The following HMGN2 variants were observed in gnomAD, a reference collection of about 807,000 sequenced individuals.
The protein encoded by HMGN2 is high mobility group nucleosomal binding domain 2, also known as non-histone chromosomal protein HMG-17.
HMGN2 carries 2 observed loss-of-function variants against 16.9 expected under a neutral mutation model. That is an observed-to-expected ratio of 0.12 (90% confidence interval 0.05 to 0.37). HMGN2 has a LOEUF of 0.37. Ranked by LOEUF, HMGN2 falls within the 10% of genes least tolerant of loss-of-function variation. The pLI, the probability that HMGN2 is intolerant of heterozygous loss-of-function variation, is 1.00. For missense variants in HMGN2, 90 were observed against 106.0 expected (o/e 0.85, Z 0.66); for synonymous variants, 31 against 34.9 (o/e 0.89, Z 0.39).
chr1:26,473,415 C>T, intron 1 of HMGN2, 68 bp from the exon 2 acceptor site: 1 of 1,142,670 alleles, frequency 8.8e-7, no homozygotes, highest in Non-Finnish European at 1.3e-6. Context: ...ATTTTTAGCA[C>T]TCTAAAGTTT....
chr1:26,474,838 G>A (rs1002694048), intron 5 of HMGN2, 171 bp downstream of exon 5: 5 of 623,556 alleles, frequency 8.0e-6, no homozygotes, highest in African/African-American at 1.8e-5. Flanking sequence ...ACTGTCAGCT[G>A]AAGGGCATTG....
intron 1 of HMGN2, 110 bp from the exon 2 acceptor site, chr1:26,473,373 G>C: frequency 1.3e-6 from 1 of 792,814 alleles, no homozygotes; most frequent in East Asian, 2.6e-5. Context: ...TTATGTCCTA[G>C]AAAAGTTGTG....
chr1:26,473,635 C>G (rs2075590227), intron 2 of HMGN2, 68 bp from the exon 3 acceptor site: 1 of 1,572,264 alleles, frequency 6.4e-7, no homozygotes, highest in Non-Finnish European at 8.8e-7. Flanking sequence ...TAATCTAGAG[C>G]AAATTGATAC....
chr1:26,472,863 G>A (rs918784980), intron 1 of HMGN2, among the ~76,000 whole-genome samples: 5 of 152,018 alleles, frequency 3.3e-5, no homozygotes, highest in Admixed American at 3.3e-4. Context: ...CATGTTGGCG[G>A]CTGTTTATCC....
chr1:26,472,692 G>A, intron 1 of HMGN2, 65 bp downstream of exon 1: 1 of 1,419,464 alleles, frequency 7.0e-7, no homozygotes, highest in African/African-American at 1.5e-5. Flanking sequence ...CCGCCTCCCT[G>A]GTGCAGGGAG....
Position 26,476,138 on chromosome 1 carries a change from A to C in HMGN2, c.*990A>C, listed in dbSNP as rs74061176. Among the ~76,000 whole-genome samples the C allele has an allele frequency of 5.5e-3, 835 of 152,326 alleles. 6 individuals are homozygous for C. Among genetic ancestry groups the C allele is most frequent in the African/African-American group, 0.019 (784 of 41,568 alleles). ...ACAGTGCTAGGTGCAGTTAGGAAGG[A>C]TTCCAGGAGTAGACTTAGCTGATGG... On this transcript the variant is annotated 3_prime_UTR_variant, in exon 6 of 6. Transcript: ENST00000361427.
At chr1:26,473,568 C>T in intron 2 of HMGN2, 41 bp downstream of exon 2, 1 of 1,572,868 alleles carries the variant, frequency 6.4e-7, no homozygotes, top group South Asian at 1.1e-5. Flanking sequence ...CTTGGACTAG[C>T]AGAGGCCACT....
In HMGN2 at chr1:26,472,475, C is replaced by T. The variant is rs1464436463; in HGVS notation, c.-138C>T. The T allele has an allele frequency of 1.9e-6, 2 of 1,057,016 alleles. No individual in the cohort carries two copies. Among genetic ancestry groups the T allele is most frequent in the African/African-American group, 1.6e-5 (1 of 61,978 alleles). The allele number at this position is 1,057,016 out of a possible 1,614,324, so 65.5% of individuals were successfully genotyped here. On this transcript the variant is annotated 5_prime_UTR_variant, in exon 1 of 6. Coordinates refer to ENST00000361427, the MANE Select transcript of HMGN2 (RefSeq NM_005517.4). Reference sequence around the variant, plus strand: ...TCTAACCGGTCCGGGGCTCCCAGCGCTATAAAAACTTTATAAACCCCCCGG... The same window carrying T: ...TCTAACCGGTCCGGGGCTCCCAGCGTTATAAAAACTTTATAAACCCCCCGG...
intron 4 of HMGN2, 114 bp downstream of exon 4, chr1:26,474,249 A>G: frequency 1.4e-6 from 1 of 738,296 alleles, no homozygotes; most frequent in Non-Finnish European, 2.2e-6. Context: ...CTGTGTGGAT[A>G]GCTTACCTCG....
rs1360567297 is a variant in HMGN2, at chr1:26,472,574, G to C, written c.-39G>C. ...AAGCCCGCGCGCCGCTGCATCCCGC[G>C]TCCAGCACCTACGTCCCGCTGCCGT... On this transcript the variant is annotated 5_prime_UTR_variant, in exon 1 of 6. Coordinates refer to ENST00000361427, the MANE Select transcript of HMGN2 (RefSeq NM_005517.4). The C allele has an allele frequency of 1.2e-5, 18 of 1,535,366 alleles. No individual in the cohort carries two copies. Among genetic ancestry groups the C allele is most frequent in the Non-Finnish European group, 1.4e-5 (16 of 1,148,004 alleles).
Position 26,474,276 on chromosome 1 carries a change from C to T in HMGN2, c.141+141C>T, listed in dbSNP as rs111367939. On this transcript the variant is annotated intron_variant, in intron 4 of 5. Transcript: ENST00000361427. ...CTTACCTCGTCCGTGTCATTCATAA[C>T]GTTGGTTTCCTGATCAAGAATTCTG... is the stretch of plus-strand genomic sequence containing the variant. 658 of 653,378 alleles carry T rather than the reference C, an allele frequency of 1.0e-3. 1 individual carries two copies. The Middle Eastern group carries it at 0.01, about 10-fold the overall frequency. The allele number at this position is 653,378 out of a possible 1,614,324, so 40.5% of individuals were successfully genotyped here.
chr1:26,473,323 G>A (rs2075588250), intron 1 of HMGN2, 160 bp from the exon 2 acceptor site: 18 of 605,870 alleles, frequency 3.0e-5, no homozygotes, highest in Admixed American at 5.9e-5. Context: ...CGGAGCTCCT[G>A]CGCGCGCTTC....
chr1:26,474,525 G>A (rs1053173893), intron 4 of HMGN2, 47 bp from the exon 5 acceptor site: 12 of 882,140 alleles, frequency 1.4e-5, no homozygotes, highest in Non-Finnish European at 2.1e-5. Context: ...CCATACCTTG[G>A]TAATACGAAA....
At chr1:26,472,740 C>A (rs1232464271) in intron 1 of HMGN2, 113 bp downstream of exon 1, 1 of 956,106 alleles carries the variant, frequency 1.0e-6, no homozygotes, top group Non-Finnish European at 1.5e-6. Flanking sequence ...CGCAGCCTCC[C>A]CGCGCGGGGG....
In HMGN2 at chr1:26,473,728, C is replaced by A. The variant is rs760851265; in HGVS notation, c.86C>A (p.Ser29Tyr). The A allele has an allele frequency of 6.2e-7, 1 of 1,613,976 alleles. No individual in the cohort carries two copies. The highest frequency in any genetic ancestry group is 8.5e-7 in the Non-Finnish European group (1 of 1,179,892). Residue 29 changes from serine (S) to tyrosine (Y), a missense_variant, in exon 3 of 6, where the codon TCT becomes TAT. By Grantham distance (144) the Ser-to-Tyr change is moderately radical. Coordinates refer to ENST00000361427, the MANE Select transcript of HMGN2 (RefSeq NM_005517.4). ...CCACAGAGAAGATCCGCGAGGTTGT[C>A]TGCTGTAAGTGTATGCTTTTGAATT... ...DEPQRRSARL[S>Y]AKPAPPKPEP...
intron 1 of HMGN2, 108 bp downstream of exon 1, chr1:26,472,735 C>T: frequency 2.0e-6 from 2 of 1,006,270 alleles, no homozygotes; most frequent in Non-Finnish European, 1.4e-6. Flanking sequence ...GCCAGCGCAG[C>T]CTCCCCGCGC....
chr1:26,472,986 C>T (rs996050930), intron 1 of HMGN2, among the ~76,000 whole-genome samples: 5 of 151,676 alleles, frequency 3.3e-5, no homozygotes, highest in African/African-American at 2.4e-5. Context: ...GGGAAGGCGG[C>T]GCTCGGGGTT....
rs138674443 is a variant in HMGN2 at position 26,476,039 on chromosome 1, C to T, written c.*891C>T. ...TATCCAAGTCTCTTGGAACAGGGTA[C>T]GTTCTGCTTTGAGGTACTCCATGTA... On this transcript the variant is annotated 3_prime_UTR_variant, in exon 6 of 6. Transcript: ENST00000361427. 5.9e-4 allele frequency: 158 copies of T among 266,950 alleles called. 1 individual carries two copies. The highest frequency in any genetic ancestry group is 3.1e-3 in the African/African-American group (137 of 43,734). 16.5% of individuals were successfully genotyped at this position (266,950 alleles called of 1,614,324 possible). A position where few individuals can be genotyped will look rare whatever the true frequency, so the allele number is the denominator to read the frequency against.
At chr1:26,473,191 C>T (rs1272649096) in intron 1 of HMGN2, 3 of 427,976 alleles carry the variant, frequency 7.0e-6, no homozygotes, top group South Asian at 2.7e-5. Context: ...TGGGCTCCGC[C>T]TCCGGAGGGG....
Sources: gnomAD v4.1 joint callset for allele counts (sites outside exome capture counted in the v4.1 genomes callset) on GRCh38, gnomAD v4.1.1 for gene constraint, MANE v1.5 for transcripts, NCBI Gene and HGNC (gene_info 2026-07-23, HGNC 2026-07-21) for gene names.